The following TTC28 variants were observed in gnomAD, a reference collection of about 807,000 sequenced individuals.
TTC28 encodes tetratricopeptide repeat protein 28.
In TTC28, 61 loss-of-function variants were observed where a neutral mutation model predicts 198.0. The ratio of observed to expected loss-of-function variants is 0.31; its 90% CI spans 0.25 to 0.38. The LOEUF (loss-of-function observed/expected upper bound fraction) is 0.38. TTC28 is among the 10% of genes least tolerant of loss of function. The pLI is 1.00. For synonymous variants in TTC28, 1,171 were observed against 1,297.8 expected (o/e 0.90, Z 2.10); for missense variants, 2,678 against 3,164.0 (o/e 0.85, Z 3.69).
intron 2 of TTC28, among the ~76,000 whole-genome samples, chr22:28,389,313 T>C (rs1007609310): frequency 6.6e-6 from 1 of 152,048 alleles, no homozygotes; most frequent in Non-Finnish European, 1.5e-5. Flanking sequence ...CCTTTTTGGT[T>C]GTGTCTCTGC....
At chr22:28,240,393 T>A (rs182697583) in intron 5 of TTC28, among the ~76,000 whole-genome samples, 98 of 152,270 alleles carry the variant, frequency 6.4e-4, no homozygotes, top group African/African-American at 2.4e-3. Context: ...TCTATAAGGA[T>A]TCACAATCTT....
intron 2 of TTC28, among the ~76,000 whole-genome samples, chr22:28,545,805 G>T (rs1692886134): frequency 6.6e-6 from 1 of 152,038 alleles, no homozygotes; most frequent in African/African-American, 2.4e-5. Flanking sequence ...AAAAATTACA[G>T]AATATTGCTG....
At chr22:28,600,804 A>G (rs959839920) in intron 2 of TTC28, among the ~76,000 whole-genome samples, 6 of 152,244 alleles carry the variant, frequency 3.9e-5, no homozygotes, top group African/African-American at 1.4e-4. Flanking sequence ...AACAATTTGC[A>G]GCTCTTAAAG....
chr22:28,602,327 G>A (rs544826046), intron 2 of TTC28, among the ~76,000 whole-genome samples: 1 of 152,220 alleles, frequency 6.6e-6, no homozygotes, highest in South Asian at 2.1e-4. Context: ...AATTGATCCT[G>A]GACCAGAAGG....
At chr22:28,059,349 T>C (rs1267323911) in intron 12 of TTC28, among the ~76,000 whole-genome samples, 4 of 152,080 alleles carry the variant, frequency 2.6e-5, no homozygotes, top group Non-Finnish European at 5.9e-5. Flanking sequence ...CTTTGACCTA[T>C]GGATATTTTA....
chr22:28,393,448 T>C (rs1303087292), intron 2 of TTC28, among the ~76,000 whole-genome samples: 1 of 152,096 alleles, frequency 6.6e-6, no homozygotes, highest in African/African-American at 2.4e-5. Context: ...TCCCGGCACT[T>C]TGGGAGGCTG....
At chr22:28,524,475 A>T (rs1010591293) in intron 2 of TTC28, among the ~76,000 whole-genome samples, 23 of 151,388 alleles carry the variant, frequency 1.5e-4, no homozygotes, top group African/African-American at 3.6e-4. Flanking sequence ...AAAAAAAAAA[A>T]AAATATTCAA....
chr22:28,316,211 C>T (rs568951793), intron 2 of TTC28, among the ~76,000 whole-genome samples: 2 of 152,200 alleles, frequency 1.3e-5, no homozygotes, highest in South Asian at 4.1e-4. Context: ...TAGGCAAGCC[C>T]GACTGTGCAA....
chr22:28,440,405 AAGT>A (rs879719906), intron 2 of TTC28, among the ~76,000 whole-genome samples: 17 of 152,208 alleles, frequency 1.1e-4, no homozygotes, highest in Admixed American at 3.3e-4. Context: ...TTAATCCAGC[AAGT>A]AAGCAGAGAA....
intron 2 of TTC28, among the ~76,000 whole-genome samples, chr22:28,479,160 G>GA (rs2048209574): frequency 2.0e-5 from 3 of 152,166 alleles, no homozygotes; most frequent in Admixed American, 6.5e-5. Context: ...AATACAAGGG[G>GA]AAAAAACACC....
At chr22:28,185,783 T>C (rs941037033) in intron 5 of TTC28, among the ~76,000 whole-genome samples, 1 of 152,150 alleles carries the variant, frequency 6.6e-6, no homozygotes, top group African/African-American at 2.4e-5. Context: ...ACCCACAGGA[T>C]CCTCAGAAGT....
chr22:28,550,693 G>A (rs866541238), intron 2 of TTC28, among the ~76,000 whole-genome samples: 10 of 152,026 alleles, frequency 6.6e-5, no homozygotes, highest in Non-Finnish European at 1.0e-4. Context: ...ACATAAATGC[G>A]AAGGTTTAAT....
chr22:28,352,312 C>CATATATATATATATATATATAT (rs35793503), intron 2 of TTC28, among the ~76,000 whole-genome samples: 13 of 142,740 alleles, frequency 9.1e-5, no homozygotes, highest in African/African-American at 3.5e-4. Context: ...GAGATATATA[C>CATATATATATATATATATATAT]ATATATATAT....
chr22:28,485,500 A>C (rs544834107), intron 2 of TTC28, among the ~76,000 whole-genome samples: 2 of 152,254 alleles, frequency 1.3e-5, no homozygotes, highest in Admixed American at 1.3e-4. Context: ...CTTTAAATAT[A>C]TTCATGCCAA....
rs117609569 is a variant in TTC28 at position 28,404,407 on chromosome 22, G to A, written c.382-97764C>T. On this transcript the variant is annotated intron_variant, in intron 2 of 22. Transcript: ENST00000397906. Reference sequence around the variant, plus strand: ...TGCTGGGTTACTGGCGTGAGACACCGCGCCCGGCCTATATGTGTTATTTTT... The same window carrying A: ...TGCTGGGTTACTGGCGTGAGACACCACGCCCGGCCTATATGTGTTATTTTT... 3.7e-3 allele frequency among the ~76,000 whole-genome samples: 568 copies of A among 152,232 alleles called. 10 individuals are homozygous for A. In the East Asian group the frequency reaches 0.053, roughly 14 times the overall value.
At chr22:28,528,187 T>C (rs2049046664) in intron 2 of TTC28, among the ~76,000 whole-genome samples, 1 of 152,208 alleles carries the variant, frequency 6.6e-6, no homozygotes, top group Non-Finnish European at 1.5e-5. Context: ...AAAATGATTA[T>C]CTTTTCTTCA....
Position 28,372,296 on chromosome 22 carries a change from C to T in TTC28, c.382-65653G>A, listed in dbSNP as rs1448954723. ...CATGATGACATGTATTTAAGATATG[C>T]TTCATTTCAAATACAGAGTAAATAT... On this transcript the variant is annotated intron_variant, in intron 2 of 22. Coordinates refer to ENST00000397906, the MANE Select transcript of TTC28 (RefSeq NM_001145418.2). Among the ~76,000 whole-genome samples, 3 of 152,164 alleles carry T rather than the reference C, an allele frequency of 2.0e-5. No individual in the cohort carries two copies. The East Asian group carries it at 5.8e-4, about 29-fold the overall frequency.
intron 2 of TTC28, among the ~76,000 whole-genome samples, chr22:28,627,488 G>A (rs1334229486): frequency 6.7e-6 from 1 of 149,380 alleles, no homozygotes; most frequent in Non-Finnish European, 1.5e-5. Context: ...CTGGAGTGCA[G>A]TGGTGCGATC....
intron 2 of TTC28, among the ~76,000 whole-genome samples, chr22:28,372,596 T>A (rs1426998981): frequency 6.6e-6 from 1 of 151,800 alleles, no homozygotes; most frequent in Non-Finnish European, 1.5e-5. Context: ...TGTTCCAAGA[T>A]TACGCTCTTT....
Sources: gnomAD v4.1 joint callset for allele counts (sites outside exome capture counted in the v4.1 genomes callset) on GRCh38, gnomAD v4.1.1 for gene constraint, MANE v1.5 for transcripts, NCBI Gene and HGNC (gene_info 2026-07-23, HGNC 2026-07-21) for gene names.